FAM53A: variants seen among roughly 807,000 people sequenced by gnomAD.
FAM53A encodes family with sequence similarity 53 member A.
Under a neutral mutation model 26.6 loss-of-function variants are expected in FAM53A, and 28 were observed. The ratio of observed to expected loss-of-function variants is 1.05; its 90% confidence interval spans 0.78 to 1.45. The LOEUF is 1.45. Ranked by LOEUF, FAM53A falls within the 40% of genes most tolerant of loss-of-function variation. The pLI, the probability that FAM53A is intolerant of heterozygous loss-of-function variation, is 0.00. For synonymous variants in FAM53A, 290 were observed against 253.1 expected (o/e 1.15, Z -1.38); for missense variants, 650 against 575.8 (o/e 1.13, Z -1.32).
intron 1 of FAM53A, 198 bp downstream of exon 1, chr4:1,684,035 G>C (rs1715640127): frequency 1.3e-5 from 2 of 152,070 alleles, no homozygotes; most frequent in African/African-American, 2.4e-5. Context: ...GTGCGGAAAA[G>C]TCGCCTCGAC....
chr4:1,679,330 G>A (rs1041222705), intron 1 of FAM53A, among the ~76,000 whole-genome samples: 4 of 143,050 alleles, frequency 2.8e-5, no homozygotes, highest in South Asian at 2.3e-4. Flanking sequence ...AGGTTGCAGT[G>A]AGCCAAGATC....
intron 4 of FAM53A, among the ~76,000 whole-genome samples, chr4:1,654,588 G>A (rs919244311): frequency 5.3e-5 from 8 of 152,256 alleles, no homozygotes; most frequent in African/African-American, 1.7e-4. Context: ...GGGCTCCCAG[G>A]ACAGCTTGTT....
intron 1 of FAM53A, among the ~76,000 whole-genome samples, chr4:1,674,381 A>T (rs1714888643): frequency 6.6e-6 from 1 of 152,152 alleles, no homozygotes; most frequent in African/African-American, 2.4e-5. Context: ...TAATTGCAAA[A>T]GCATCTGGCC....
At chr4:1,668,202 C>T (rs912856314) in intron 2 of FAM53A, among the ~76,000 whole-genome samples, 3 of 151,320 alleles carry the variant, frequency 2.0e-5, no homozygotes, top group Non-Finnish European at 4.4e-5. Context: ...TGCAGTGGAG[C>T]GATCTCGGCT....
chr4:1,595,129 GA>G, the FAM53A span, among the ~76,000 whole-genome samples: 2 of 152,216 alleles, frequency 1.3e-5, no homozygotes, highest in Non-Finnish European at 2.9e-5. Flanking sequence ...GCTCCCACAG[GA>G]GTCAGAGGAC....
At chr4:1,656,650 C>A (rs1383968417) in intron 3 of FAM53A, among the ~76,000 whole-genome samples, 4 of 152,150 alleles carry the variant, frequency 2.6e-5, no homozygotes. Context: ...GAGGTGAGGA[C>A]ATCGCACCAC....
intron 4 of FAM53A, among the ~76,000 whole-genome samples, chr4:1,654,308 C>T (rs1249793127): frequency 2.6e-5 from 4 of 152,234 alleles, no homozygotes; most frequent in African/African-American, 9.6e-5. Context: ...TGAATGCACT[C>T]CCTTAGTAAC....
intron 2 of FAM53A, among the ~76,000 whole-genome samples, chr4:1,665,884 A>T (rs932859311): frequency 3.9e-5 from 6 of 152,078 alleles, no homozygotes; most frequent in African/African-American, 1.5e-4. Flanking sequence ...CTGTGCTCAC[A>T]ACCCGAGTGC....
Position 1,625,425 on chromosome 4 carries a change from A to AG in FAM53A, c.432-7315dup, listed in dbSNP as rs1262018684. ...CCCCCACGTCCCGACCCACGTGGTC[A>AG]GGGTCACACCAGGTGATCAGAAGGC... On this transcript the variant is annotated intron_variant, in intron 1 of 1. Coordinates refer to the FAM53A transcript ENST00000489029. Among the ~76,000 whole-genome samples the AG allele has an allele frequency of 3.1e-4, 18 of 58,458 alleles. 5 individuals carry two copies. Among genetic ancestry groups the AG allele is most frequent in the Non-Finnish European group, 4.7e-4 (15 of 32,154 alleles). The allele number at this position is 58,458 out of a possible 152,430, so 38.4% of individuals were successfully genotyped here.
Position 1,676,793 on chromosome 4 carries a change from C to T in FAM53A, c.-165+7440G>A, listed in dbSNP as rs533149058. 1.3e-4 allele frequency among the ~76,000 whole-genome samples: 20 copies of T among 152,324 alleles called. 1 individual carries two copies. The East Asian group carries it at 2.9e-3, about 22-fold the overall frequency. ...CAGCCCCACCCCACACCTCCCAATACGGCCGTGTGAACATTTTGTCAAGTC... is the reference window on the plus strand; with the variant it reads ...CAGCCCCACCCCACACCTCCCAATATGGCCGTGTGAACATTTTGTCAAGTC... On this transcript the variant is annotated intron_variant, in intron 1 of 4. Transcript: ENST00000308132.
chr4:1,619,780 C>G (rs186007001), intron 1 of FAM53A, among the ~76,000 whole-genome samples: 3 of 152,246 alleles, frequency 2.0e-5, no homozygotes, highest in East Asian at 1.9e-4. Flanking sequence ...GGCGTCCACA[C>G]GCAAAGCCCT....
intron 1 of FAM53A, among the ~76,000 whole-genome samples, chr4:1,620,232 A>AAAAT (rs1235552488): frequency 8.6e-5 from 13 of 151,812 alleles, no homozygotes; most frequent in Admixed American, 2.6e-4. Flanking sequence ...TAATTAATTA[A>AAAAT]AAATAAATAA....
At position 1,655,132 on chromosome 4, in the gene FAM53A, G is replaced by C; in HGVS notation, c.728C>G (p.Pro243Arg). 1.9e-6 allele frequency: 3 copies of C among 1,592,056 alleles called. No homozygotes were observed. Among genetic ancestry groups the C allele is most frequent in the Non-Finnish European group, 2.6e-6 (3 of 1,170,568 alleles). ...CCCGCCCAGCGCAGGCGTGGACGTG[G>C]GGCTGCTGCTGGCCCAGGGCAGGGG... ...GTPLPWASSS[P>R]TSTPALGGRR... Residue 243 changes from proline to arginine, a missense_variant, in exon 4 of 5, where the codon CCC becomes CGC. Coordinates refer to ENST00000308132, the MANE Select transcript of FAM53A (RefSeq NM_001174070.3).
chr4:1,610,024 G>C, the FAM53A span, among the ~76,000 whole-genome samples: 1 of 151,810 alleles, frequency 6.6e-6, no homozygotes, highest in Non-Finnish European at 1.5e-5. Flanking sequence ...CATGAGAATG[G>C]ACTAATATGG....
downstream of FAM53A, among the ~76,000 whole-genome samples, chr4:1,615,391 C>G (rs1206978755): frequency 7.3e-6 from 1 of 137,362 alleles, no homozygotes; most frequent in South Asian, 2.5e-4. Flanking sequence ...AGACAGGATG[C>G]GGCCACATCC....
chr4:1,672,371 C>T (rs73798423), intron 1 of FAM53A, among the ~76,000 whole-genome samples: 2 of 136,112 alleles, frequency 1.5e-5, no homozygotes, highest in South Asian at 2.1e-4. Context: ...CAGGAACCCA[C>T]GAACCCACGA....
At chr4:1,671,994 C>T (rs544271264) in intron 1 of FAM53A, among the ~76,000 whole-genome samples, 2 of 152,210 alleles carry the variant, frequency 1.3e-5, no homozygotes, top group Non-Finnish European at 2.9e-5. Flanking sequence ...GCCTGTGACA[C>T]AGAGCAAAGC....
chr4:1,574,994 C>A, the FAM53A span, among the ~76,000 whole-genome samples: 1 of 152,250 alleles, frequency 6.6e-6, no homozygotes, highest in African/African-American at 2.4e-5. Flanking sequence ...AAGGTGGCCA[C>A]AGAAGCAACC....
intron 1 of FAM53A, among the ~76,000 whole-genome samples, chr4:1,683,211 T>C (rs990026196): frequency 6.6e-5 from 10 of 152,162 alleles, no homozygotes; most frequent in African/African-American, 2.2e-4. Context: ...AGTTTCCATT[T>C]TGGGGTAATA....
Sources: allele counts gnomAD v4.1 joint callset (sites outside exome capture counted in the v4.1 genomes callset), GRCh38; gene constraint gnomAD v4.1.1; transcripts MANE v1.5; gene names NCBI Gene and HGNC (gene_info 2026-07-23, HGNC 2026-07-21).